Variants in SRRM4 observed in about 807,000 individuals in gnomAD.
SRRM4 encodes the protein serine/arginine repetitive matrix 4.
SRRM4 carries 33 observed loss-of-function variants against 68.9 expected under a neutral mutation model. The ratio of observed to expected loss-of-function variants is 0.48; its 90% CI spans 0.36 to 0.64. The LOEUF is 0.64. SRRM4 is among the 30% of genes least tolerant of loss of function. SRRM4 has a pLI of 0.00. For missense variants in SRRM4, 817 were observed against 827.1 expected (o/e 0.99, Z 0.15); for synonymous variants, 318 against 318.8 (o/e 1.00, Z 0.03).
intron 3 of SRRM4, among the ~76,000 whole-genome samples, chr12:119,116,261 C>A (rs116252703): frequency 1.3e-5 from 2 of 152,192 alleles, no homozygotes; most frequent in Non-Finnish European, 2.9e-5. Flanking sequence ...AAGATTGGAA[C>A]TTAGGTCACC....
chr12:119,012,549 C>T (rs1367194609), intron 1 of SRRM4, among the ~76,000 whole-genome samples: 2 of 152,216 alleles, frequency 1.3e-5, no homozygotes, highest in East Asian at 3.8e-4. Flanking sequence ...TTGTTGTTCT[C>T]ATTCTTCTAC....
chr12:118,988,484 C>T (rs1262981467), intron 1 of SRRM4, among the ~76,000 whole-genome samples: 3 of 152,188 alleles, frequency 2.0e-5, no homozygotes, highest in South Asian at 2.1e-4. Context: ...GCTTCTTGTC[C>T]TTCATGGACC....
intron 1 of SRRM4, among the ~76,000 whole-genome samples, chr12:119,062,224 T>C (rs1219229260): frequency 6.6e-6 from 1 of 152,130 alleles, no homozygotes. Flanking sequence ...TTAAAAGTGG[T>C]TTATCTGTAT....
At chr12:119,102,973 T>C (rs1268321310) in intron 2 of SRRM4, among the ~76,000 whole-genome samples, 1 of 152,136 alleles carries the variant, frequency 6.6e-6, no homozygotes, top group African/African-American at 2.4e-5. Context: ...GTAAAGTGAG[T>C]TCCCCAGAAT....
At position 119,154,069 on chromosome 12, in the gene SRRM4, G is replaced by T. The variant is rs1954456740; in HGVS notation, c.1392-174G>T. Among the ~76,000 whole-genome samples the T allele has an allele frequency of 6.6e-6, 1 of 151,550 alleles. No homozygotes were observed. The highest frequency in any genetic ancestry group is 1.5e-5 in the Non-Finnish European group (1 of 67,930). ...CACCCCTACGGTACTAACAACCCTCGCAGACTCTTACCGCAGCCCCGTCAT... is the reference window on the plus strand; with the variant it reads ...CACCCCTACGGTACTAACAACCCTCTCAGACTCTTACCGCAGCCCCGTCAT... On this transcript the variant is annotated intron_variant, in intron 11 of 12. Transcript: ENST00000267260. The surrounding 1 kb of genome is among the most constrained non-coding windows in gnomAD (Gnocchi z 4.7).
At chr12:119,028,018 C>G (rs529215463) in intron 1 of SRRM4, among the ~76,000 whole-genome samples, 2 of 152,226 alleles carry the variant, frequency 1.3e-5, no homozygotes, top group Non-Finnish European at 2.9e-5. Flanking sequence ...GTTGCTAATA[C>G]TTAGTGGGTC....
chr12:119,053,722 C>A (rs1953759230), intron 1 of SRRM4, among the ~76,000 whole-genome samples: 1 of 151,522 alleles, frequency 6.6e-6, no homozygotes, highest in Non-Finnish European at 1.5e-5. Context: ...AAACAACCTT[C>A]CTTGTGATCA....
Position 119,067,955 on chromosome 12 carries a change from C to T in SRRM4, c.132-34281C>T, listed in dbSNP as rs145983469. Among the ~76,000 whole-genome samples, 455 of 152,230 alleles carry T rather than the reference C, an allele frequency of 3.0e-3. 3 individuals are homozygous for T. Among genetic ancestry groups the T allele is most frequent in the African/African-American group, 0.01 (433 of 41,530 alleles). On this transcript the variant is annotated intron_variant, in intron 1 of 12. Coordinates refer to ENST00000267260, the MANE Select transcript of SRRM4 (RefSeq NM_194286.4). ...GCTAATGATTTGTTTTTATTAAATC[C>T]GGCCTCCCCATCTATATTGCAAGTT...
At chr12:119,073,491 A>AT (rs1352466303) in intron 1 of SRRM4, among the ~76,000 whole-genome samples, 1 of 151,806 alleles carries the variant, frequency 6.6e-6, no homozygotes, top group East Asian at 1.9e-4. Flanking sequence ...TGCCCAGCTA[A>AT]TTTTTGTATT....
intron 1 of SRRM4, among the ~76,000 whole-genome samples, chr12:119,101,082 A>G (rs527890741): frequency 6.6e-6 from 1 of 152,300 alleles, no homozygotes; most frequent in East Asian, 1.9e-4. Flanking sequence ...GGCTTATCAG[A>G]TGCATTCATC....
At chr12:119,120,482 G>A (rs1041605218) in intron 5 of SRRM4, among the ~76,000 whole-genome samples, 1 of 151,948 alleles carries the variant, frequency 6.6e-6, no homozygotes, top group African/African-American at 2.4e-5. Context: ...CAGGCCAGGG[G>A]GTTGATCTTG....
intron 1 of SRRM4, among the ~76,000 whole-genome samples, chr12:119,068,552 G>A (rs539177603): frequency 6.6e-6 from 1 of 152,250 alleles, no homozygotes; most frequent in African/African-American, 2.4e-5. Flanking sequence ...TTCTCCTTCT[G>A]TGCATATGTG....
intron 1 of SRRM4, among the ~76,000 whole-genome samples, chr12:119,015,785 G>C (rs140027590): frequency 6.6e-6 from 1 of 151,904 alleles, no homozygotes; most frequent in South Asian, 2.1e-4. Context: ...TAGAGTCCTC[G>C]CACTTCACCC....
At chr12:119,063,264 T>C (rs540477618) in intron 1 of SRRM4, among the ~76,000 whole-genome samples, 2 of 152,336 alleles carry the variant, frequency 1.3e-5, no homozygotes, top group South Asian at 4.1e-4. Flanking sequence ...CATGTATGCA[T>C]GAGACTTTAT....
intron 1 of SRRM4, among the ~76,000 whole-genome samples, chr12:119,097,280 G>A (rs905112777): frequency 6.6e-6 from 1 of 152,246 alleles, no homozygotes; most frequent in African/African-American, 2.4e-5. Flanking sequence ...GAGGGCTGTG[G>A]CTGAAGCCTG....
At chr12:119,013,324 A>T (rs1953461544) in intron 1 of SRRM4, among the ~76,000 whole-genome samples, 1 of 152,218 alleles carries the variant, frequency 6.6e-6, no homozygotes. Flanking sequence ...GCCAAAACAG[A>T]ACATGAACCA....
chr12:119,069,520 TA>T, intron 1 of SRRM4: 1 of 152,282 alleles, frequency 6.6e-6, no homozygotes, highest in Middle Eastern at 3.4e-3. Context: ...GCCAACATTT[TA>T]GAACTTGGGA....
intron 1 of SRRM4, among the ~76,000 whole-genome samples, chr12:119,094,623 T>C (rs1019537939): frequency 2.6e-5 from 4 of 152,236 alleles, no homozygotes; most frequent in African/African-American, 9.6e-5. Flanking sequence ...TCCTCCTTTT[T>C]GTTCCACTTT....
rs560926391 is a variant in SRRM4, at chr12:119,112,262, G to A, written c.279-2016G>A. On this transcript the variant is annotated intron_variant, in intron 2 of 12. Transcript: ENST00000267260. ...AAACCACAATGAGATGCCATCTCACGCCAGTCAGAATGGCAATTATTAAAA... is the reference window on the plus strand; with the variant it reads ...AAACCACAATGAGATGCCATCTCACACCAGTCAGAATGGCAATTATTAAAA... Among the ~76,000 whole-genome samples, 12 of 152,180 alleles carry A rather than the reference G, an allele frequency of 7.9e-5. No homozygotes were observed. In the South Asian group the frequency reaches 1.7e-3, roughly 21 times the overall value.
Sources: allele counts gnomAD v4.1 joint callset (sites outside exome capture counted in the v4.1 genomes callset), GRCh38; gene constraint gnomAD v4.1.1; non-coding constraint Gnocchi (gnomAD v3.1); transcripts MANE v1.5; gene names NCBI Gene and HGNC (gene_info 2026-07-23, HGNC 2026-07-21).